Variants in PAFAH1B1 observed in about 807,000 individuals in gnomAD.
PAFAH1B1 encodes the protein platelet activating factor acetylhydrolase 1b regulatory subunit 1, also known as platelet-activating factor acetylhydrolase IB subunit beta.
PAFAH1B1 carries 2 observed loss-of-function variants against 57.5 expected under a neutral mutation model. The ratio of observed to expected loss-of-function variants is 0.03; its 90% CI spans 0.01 to 0.11. The LOEUF (loss-of-function observed/expected upper bound fraction) is 0.11. Among genes scored for constraint, PAFAH1B1 ranks in the 10% least tolerant of loss-of-function variants. The pLI, the probability that PAFAH1B1 is intolerant of heterozygous loss-of-function variation, is 1.00. For missense variants in PAFAH1B1, 257 were observed against 512.0 expected (o/e 0.50, Z 4.81); for synonymous variants, 152 against 169.6 (o/e 0.90, Z 0.81).
chr17:2,621,858 C>T lies in PAFAH1B1; in HGVS notation c.-190-16241C>T, dbSNP rs552661113. Reference sequence around the variant, plus strand: ...TTTCACGTTGCTGATAAAGGCATAACCGAAACTGGGAACAAAAAGAGGTTT... The same window carrying T: ...TTTCACGTTGCTGATAAAGGCATAATCGAAACTGGGAACAAAAAGAGGTTT... On this transcript the variant is annotated intron_variant, in intron 1 of 10. Transcript: ENST00000397195. Among the ~76,000 whole-genome samples the T allele has an allele frequency of 6.2e-4, 94 of 152,074 alleles. 1 individual carries two copies. Among genetic ancestry groups the T allele is most frequent in the Admixed American group, 6.2e-3 (94 of 15,242 alleles).
intron 2 of PAFAH1B1, among the ~76,000 whole-genome samples, chr17:2,639,060 T>A (rs1241937378): frequency 2.0e-5 from 3 of 152,042 alleles, no homozygotes; most frequent in Non-Finnish European, 2.9e-5. Context: ...TCAACACGCC[T>A]GGCTAAGTTT....
At chr17:2,669,979 T>A (rs1452822569) in intron 5 of PAFAH1B1, among the ~76,000 whole-genome samples, 184 bp from the exon 6 acceptor site, 4 of 152,200 alleles carry the variant, frequency 2.6e-5, no homozygotes, top group African/African-American at 9.6e-5. Context: ...ATTGCAACAT[T>A]AGTTTTCCCT....
chr17:2,638,378 A>G, intron 2 of PAFAH1B1, 58 bp downstream of exon 2: 1 of 1,378,374 alleles, frequency 7.3e-7, no homozygotes, highest in South Asian at 1.2e-5. Context: ...AGAAAGTAGT[A>G]AATTAAAATA....
At chr17:2,679,627 T>TGGGTG (rs879684963) in intron 9 of PAFAH1B1, 2 of 17,156 alleles carry the variant, frequency 1.2e-4, no homozygotes, top group Non-Finnish European at 2.3e-4. Context: ...GATGATTGGA[T>TGGGTG]GATTGGATGG....
rs535688812 is a variant in PAFAH1B1, at chr17:2,602,186, G to A, written c.-191+8180G>A. Among the ~76,000 whole-genome samples, 166 of 151,402 alleles carry A rather than the reference G, an allele frequency of 1.1e-3. 1 individual carries two copies. Among genetic ancestry groups the A allele is most frequent in the Non-Finnish European group, 1.8e-3 (123 of 67,912 alleles). On this transcript the variant is annotated intron_variant, in intron 1 of 10. Transcript: ENST00000397195. ...CATTATTCAAGCTTTCTGGCTCTTC[G>A]ACTTGGGCTAAATAAGTGTTCTGTA...
intron 1 of PAFAH1B1, among the ~76,000 whole-genome samples, chr17:2,637,089 G>C (rs1567539795): frequency 2.0e-5 from 3 of 152,110 alleles, no homozygotes; most frequent in Non-Finnish European, 4.4e-5. Flanking sequence ...GCAGTGACTG[G>C]AATGGCATTT....
intron 1 of PAFAH1B1, 101 bp downstream of exon 1, chr17:2,594,107 C>T (rs1389340598): frequency 5.1e-6 from 2 of 395,520 alleles, no homozygotes; most frequent in Non-Finnish European, 8.9e-6. Context: ...TGCGCCGGTC[C>T]CCTCCCTCCC....
At chr17:2,648,581 G>A (rs1431495517) in intron 2 of PAFAH1B1, among the ~76,000 whole-genome samples, 1 of 151,910 alleles carries the variant, frequency 6.6e-6, no homozygotes, top group Non-Finnish European at 1.5e-5. Context: ...GGGAGGCTGA[G>A]GTGGGAGACT....
At chr17:2,626,546 C>T (rs1356627427) in intron 1 of PAFAH1B1, among the ~76,000 whole-genome samples, 1 of 88,390 alleles carries the variant, frequency 1.1e-5, no homozygotes, top group Non-Finnish European at 2.3e-5. Context: ...ACCGGCATCA[C>T]CTTTCTTCCC....
At position 2,651,986 on chromosome 17, in the gene PAFAH1B1, T is replaced by C. The variant is rs545354885; in HGVS notation, c.33-13386T>C. ...TGCCCTAAAAATCTCAGCCTCCCCC[T>C]ATTCATCCTTCCCTGCCTCCCTAAA... On this transcript the variant is annotated intron_variant, in intron 2 of 10. Coordinates refer to ENST00000397195, the MANE Select transcript of PAFAH1B1 (RefSeq NM_000430.4). Among the ~76,000 whole-genome samples, 3 of 152,216 alleles carry C rather than the reference T, an allele frequency of 2.0e-5. No homozygotes were observed. The South Asian group carries it at 6.2e-4, about 32-fold the overall frequency.
chr17:2,613,755 C>T, intron 1 of PAFAH1B1: 2 of 302,272 alleles, frequency 6.6e-6, no homozygotes, highest in African/African-American at 2.3e-5. Flanking sequence ...ACAGAGAGTC[C>T]CCCTGTGGCG....
At chr17:2,661,823 T>C (rs756575102) in intron 2 of PAFAH1B1, 1 of 152,034 alleles carries the variant, frequency 6.6e-6, no homozygotes, top group African/African-American at 2.4e-5. Flanking sequence ...TGGCCAGGCG[T>C]GGTGGCTCAT....
chr17:2,625,989 G>C (rs890544570), intron 1 of PAFAH1B1, among the ~76,000 whole-genome samples: 22 of 152,078 alleles, frequency 1.4e-4, no homozygotes, highest in African/African-American at 5.3e-4. Context: ...GGTGGCTCAT[G>C]CCTGTAATTC....
intron 1 of PAFAH1B1, among the ~76,000 whole-genome samples, chr17:2,631,937 G>A (rs1198532140): frequency 6.6e-6 from 1 of 152,122 alleles, no homozygotes; most frequent in African/African-American, 2.4e-5. Flanking sequence ...CTTCCACAAA[G>A]TTAGAGTAGT....
At chr17:2,608,194 C>G (rs1436834401) in intron 1 of PAFAH1B1, among the ~76,000 whole-genome samples, 1 of 152,020 alleles carries the variant, frequency 6.6e-6, no homozygotes, top group Non-Finnish European at 1.5e-5. Context: ...AAGCGATTGT[C>G]CTCCCTCAGC....
chr17:2,666,248 T>G (rs1322276011), intron 4 of PAFAH1B1, among the ~76,000 whole-genome samples, 158 bp downstream of exon 4: 3 of 152,204 alleles, frequency 2.0e-5, no homozygotes, highest in African/African-American at 7.2e-5. Flanking sequence ...CTAGGCATAT[T>G]ATTGCAGATA....
At chr17:2,605,462 T>A (rs576203010) in intron 1 of PAFAH1B1, among the ~76,000 whole-genome samples, 1 of 152,320 alleles carries the variant, frequency 6.6e-6, no homozygotes, top group East Asian at 1.9e-4. Context: ...AAAACTATGG[T>A]ACTGAATAGG....
rs190230567 is a variant in PAFAH1B1, at chr17:2,604,229, A to C, written c.-191+10223A>C. ...ATTTTTGTATTTTTAGTAGAGATGGAGTTTCACCACATTGGCCAGGCTGGT... is the reference window on the plus strand; with the variant it reads ...ATTTTTGTATTTTTAGTAGAGATGGCGTTTCACCACATTGGCCAGGCTGGT... On this transcript the variant is annotated intron_variant, in intron 1 of 10. Coordinates refer to ENST00000397195, the MANE Select transcript of PAFAH1B1 (RefSeq NM_000430.4). Among the ~76,000 whole-genome samples the C allele has an allele frequency of 5.5e-3, 823 of 149,810 alleles. 6 individuals carry two copies. The highest frequency in any genetic ancestry group is 0.017 in the South Asian group (79 of 4,754).
At chr17:2,626,558 C>T (rs1271021211) in intron 1 of PAFAH1B1, among the ~76,000 whole-genome samples, 3 of 37,972 alleles carry the variant, frequency 7.9e-5, no homozygotes, top group African/African-American at 1.7e-4. Flanking sequence ...TTTCTTCCCC[C>T]CCCCCCCCCC....
Sources: gnomAD v4.1 joint callset for allele counts (sites outside exome capture counted in the v4.1 genomes callset) on GRCh38, gnomAD v4.1.1 for gene constraint, MANE v1.5 for transcripts, NCBI Gene and HGNC (gene_info 2026-07-23, HGNC 2026-07-21) for gene names.